Variants in EPHA8 observed in about 807,000 individuals in gnomAD.
The protein encoded by EPHA8 is EPH receptor A8, also known as ephrin type-A receptor 8.
Under a neutral mutation model 103.6 loss-of-function variants are expected in EPHA8, and 58 were observed. The ratio of observed to expected loss-of-function variants is 0.56; its 90% confidence interval spans 0.45 to 0.70. The LOEUF (loss-of-function observed/expected upper bound fraction) is 0.70. Among genes scored for constraint, EPHA8 ranks in the 30% least tolerant of loss-of-function variants. The probability of loss-of-function intolerance (pLI) is 0.00; values close to 1 mark genes in which losing one functional copy is unlikely to be tolerated. For missense variants in EPHA8, 1,304 were observed against 1,395.2 expected (o/e 0.93, Z 1.04); for synonymous variants, 559 against 572.5 (o/e 0.98, Z 0.34).
Position 22,589,989 on chromosome 1 carries a change from A to G in EPHA8, c.1315+783A>G, listed in dbSNP as rs553137162. On this transcript the variant is annotated intron_variant, in intron 5 of 16. Transcript: ENST00000166244. This position sits in a 1 kb window ranked among gnomAD's most constrained non-coding sequence, Gnocchi z 4.3. ...GCACCCAGGGCCACCTGACATAGGAAGTGGCAGAGGCAGGGCTCAAACCCA... is the reference window on the plus strand; with the variant it reads ...GCACCCAGGGCCACCTGACATAGGAGGTGGCAGAGGCAGGGCTCAAACCCA... 6.6e-6 allele frequency among the ~76,000 whole-genome samples: 1 copy of G among 152,276 alleles called. No individual in the cohort carries two copies. The highest frequency in any genetic ancestry group is 2.1e-4 in the South Asian group (1 of 4,822).
rs1557571084 is a variant in EPHA8, at chr1:22,588,266, A to AGCCCCTCAGG, written c.980-605_980-604insGCCCCTCAGG. 4.4e-3 allele frequency among the ~76,000 whole-genome samples: 655 copies of AGCCCCTCAGG among 150,440 alleles called. 7 individuals carry two copies. Among genetic ancestry groups the AGCCCCTCAGG allele is most frequent in the African/African-American group, 0.015 (622 of 40,892 alleles). ...TCAAACCCCCACCCCAGCCCCTCAG[A>AGCCCCTCAGG]CCCCCAGCCCCACGTCCTGGTCTCC... On this transcript the variant is annotated intron_variant, in intron 4 of 16. Transcript: ENST00000166244.
At chr1:22,585,599 C>G (rs931404189) in intron 3 of EPHA8, among the ~76,000 whole-genome samples, 1 of 152,188 alleles carries the variant, frequency 6.6e-6, no homozygotes, top group African/African-American at 2.4e-5. Flanking sequence ...CAGGCCTGGT[C>G]CAGAGTTGTG....
chr1:22,589,226 C>T lies in EPHA8; in HGVS notation c.1315+20C>T. On this transcript the variant is annotated intron_variant, in intron 5 of 16. Transcript: ENST00000166244. This position sits in a 1 kb window ranked among gnomAD's most constrained non-coding sequence, Gnocchi z 4.3. ...AGGCAGGTAGGCGGAGAAACTCCGT[C>T]CCGCAGCGTCCTGGTCCCCCAGCTT... 1 of 1,613,992 alleles carries T rather than the reference C, an allele frequency of 6.2e-7. No homozygotes were observed.
At chr1:22,590,566 G>A (rs1292111926) in intron 5 of EPHA8, among the ~76,000 whole-genome samples, 3 of 151,936 alleles carry the variant, frequency 2.0e-5, no homozygotes, top group African/African-American at 7.3e-5. Flanking sequence ...TCTTGCTCGT[G>A]TGTCCCAGCC....
chr1:22,591,992 T>C (rs562796773), intron 5 of EPHA8, among the ~76,000 whole-genome samples: 1 of 152,072 alleles, frequency 6.6e-6, no homozygotes, highest in African/African-American at 2.4e-5. Flanking sequence ...GGACAGAAGC[T>C]CCTAGAGGGA....
chr1:22,587,614 G>T (rs3767556), intron 4 of EPHA8, among the ~76,000 whole-genome samples: 27,675 of 152,164 alleles, frequency 0.18, 2,593 homozygotes, highest in South Asian at 0.4. Context: ...GCCTGGGGAG[G>T]GACCACAGCC....
chr1:22,568,912 G>GT (rs1640445371), intron 1 of EPHA8, among the ~76,000 whole-genome samples: 1 of 152,242 alleles, frequency 6.6e-6, no homozygotes, highest in South Asian at 2.1e-4. Flanking sequence ...ACTCAGGGAG[G>GT]TGAGGGGGCT....
intron 5 of EPHA8, among the ~76,000 whole-genome samples, chr1:22,591,574 A>G (rs147343682): frequency 3.3e-5 from 5 of 152,274 alleles, no homozygotes; most frequent in South Asian, 2.1e-4. Context: ...GCTGTCCTCA[A>G]AGCCCTTCAC....
rs778542762 is a variant in EPHA8, at chr1:22,598,847, G to A, written c.2188G>A (p.Gly730Arg). 6.8e-6 allele frequency: 11 copies of A among 1,612,302 alleles called. No homozygotes were observed. The East Asian group carries it at 1.1e-4, about 16-fold the overall frequency. Residue 730 changes from glycine to arginine, a missense_variant, in exon 13 of 17, where the codon GGG becomes AGG. Gly to Arg is a moderately radical substitution (Grantham distance 125, BLOSUM62 -2). Transcript: ENST00000166244. The surrounding 1 kb of genome is among the most constrained non-coding windows in gnomAD (Gnocchi z 5.1). ...SLDTFLRTHD[G>R]QFTIMQLVGM... ...CCATGTCCCCCTGCAGACCCACGACGGGCAGTTCACCATCATGCAGCTGGT... is the reference window on the plus strand; with the variant it reads ...CCATGTCCCCCTGCAGACCCACGACAGGCAGTTCACCATCATGCAGCTGGT...
chr1:22,589,079 C>T lies in EPHA8; in HGVS notation c.1188C>T (p.Ser396=), dbSNP rs1641300855. ...VPQQTSLVQA[S]LLVANLLAHM... is the part of the protein sequence containing the mutation. ...AGCAGACAAGCCTGGTGCAGGCCAGCCTGCTGGTGGCCAACCTGCTGGCCC... is the reference window on the plus strand; with the variant it reads ...AGCAGACAAGCCTGGTGCAGGCCAGTCTGCTGGTGGCCAACCTGCTGGCCC... The change falls in exon 5 of 17, where the codon AGC becomes AGT. Residue 396 remains serine, a synonymous_variant. Transcript: ENST00000166244. This position sits in a 1 kb window ranked among gnomAD's most constrained non-coding sequence, Gnocchi z 4.3. 1 of 1,613,350 alleles carries T rather than the reference C, an allele frequency of 6.2e-7. No individual in the cohort carries two copies.
At position 22,576,355 on chromosome 1, in the gene EPHA8, G is replaced by A. The variant is rs769718758; in HGVS notation, c.298G>A (p.Glu100Lys). 2 of 1,613,680 alleles carry A rather than the reference G, an allele frequency of 1.2e-6. No individual in the cohort carries two copies. Among genetic ancestry groups the A allele is most frequent in the African/African-American group, 1.3e-5 (1 of 74,896 alleles). The change falls in exon 3 of 17, where the codon GAG becomes AAG. Residue 100 changes from glutamate to lysine, a missense_variant. Physicochemically the swap from Glu to Lys is moderately conservative, Grantham distance 56. Coordinates refer to ENST00000166244, the MANE Select transcript of EPHA8 (RefSeq NM_020526.5). The surrounding 1 kb of genome is among the most constrained non-coding windows in gnomAD (Gnocchi z 4.8). ...AGACGGCGCCCGGCGCGTCTATGCT[G>A]AGATCAAGTTTACCCTGCGCGACTG... ...PRDGARRVYA[E>K]IKFTLRDCNS...
chr1:22,596,043 T>G, intron 8 of EPHA8, 63 bp from the exon 9 acceptor site: 1 of 1,494,756 alleles, frequency 6.7e-7, no homozygotes, highest in Non-Finnish European at 9.3e-7. Flanking sequence ...CGTTCCCTGG[T>G]TGGGGTCAGG....
rs1364415325 is a variant in EPHA8 at position 22,567,601 on chromosome 1, T to A, written c.95-1688T>A. On this transcript the variant is annotated intron_variant, in intron 1 of 16. Coordinates refer to ENST00000166244, the MANE Select transcript of EPHA8 (RefSeq NM_020526.5). This position sits in a 1 kb window ranked among gnomAD's most constrained non-coding sequence, Gnocchi z 4.2. ...GCCAGCCTCACTCCAGCCGGCCTCC[T>A]TCAGGGTCCCTGACGGTGGGGTGGG... 6.6e-6 allele frequency among the ~76,000 whole-genome samples: 1 copy of A among 151,906 alleles called. No individual in the cohort carries two copies. Among genetic ancestry groups the A allele is most frequent in the Admixed American group, 6.6e-5 (1 of 15,258 alleles).
chr1:22,571,951 C>T (rs1042437089), intron 2 of EPHA8, among the ~76,000 whole-genome samples: 4 of 152,094 alleles, frequency 2.6e-5, no homozygotes, highest in Non-Finnish European at 5.9e-5. Flanking sequence ...GTAGGAGGAT[C>T]GCTTGAGCCT....
rs1178510481 is a variant in EPHA8 at position 22,569,974 on chromosome 1, G to A, written c.159+621G>A. On this transcript the variant is annotated intron_variant, in intron 2 of 16. Coordinates refer to ENST00000166244, the MANE Select transcript of EPHA8 (RefSeq NM_020526.5). The surrounding 1 kb of genome is among the most constrained non-coding windows in gnomAD (Gnocchi z 4.5). ...GCGAGCCTGGTGAGATCCCAGCTCTGCCCTTGACAAGCAGGTGGACTTGGG... is the reference window on the plus strand; with the variant it reads ...GCGAGCCTGGTGAGATCCCAGCTCTACCCTTGACAAGCAGGTGGACTTGGG... 6.6e-6 allele frequency among the ~76,000 whole-genome samples: 1 copy of A among 152,104 alleles called. No homozygotes were observed. The highest frequency in any genetic ancestry group is 1.5e-5 in the Non-Finnish European group (1 of 68,022).
chr1:22,579,097 ATG>A (rs1640945692), intron 3 of EPHA8, among the ~76,000 whole-genome samples: 1 of 123,822 alleles, frequency 8.1e-6, no homozygotes, highest in African/African-American at 4.5e-5. Flanking sequence ...GCATGTGTGC[ATG>A]TGTATGTGTG....
chr1:22,567,299 C>T lies in EPHA8; in HGVS notation c.95-1990C>T, dbSNP rs1640387604. Among the ~76,000 whole-genome samples the T allele has an allele frequency of 6.6e-6, 1 of 152,152 alleles. No homozygotes were observed. Among genetic ancestry groups the T allele is most frequent in the Admixed American group, 6.5e-5 (1 of 15,282 alleles). On this transcript the variant is annotated intron_variant, in intron 1 of 16. Transcript: ENST00000166244. The surrounding 1 kb of genome is among the most constrained non-coding windows in gnomAD (Gnocchi z 4.2). Reference sequence around the variant, plus strand: ...CCTTCCCTCACCATCTCCCCAAACTCGGCTTTGCTGGTCTGGGGGAAACTG... The same window carrying T: ...CCTTCCCTCACCATCTCCCCAAACTTGGCTTTGCTGGTCTGGGGGAAACTG...
chr1:22,603,249 G>T lies in EPHA8; in HGVS notation c.*1508G>T. The T allele has an allele frequency of 6.6e-6, 1 of 152,650 alleles. No individual in the cohort carries two copies. 9.5% of individuals were successfully genotyped at this position (152,650 alleles called of 1,614,324 possible). On this transcript the variant is annotated 3_prime_UTR_variant, in exon 17 of 17. Transcript: ENST00000166244. ...CCCCTCTCCCTCCTGCAATAATTCG[G>T]GGAGTCTCAGCCCCATCCAGGTGCC...
At chr1:22,585,651 GC>G (rs1641182045) in intron 3 of EPHA8, among the ~76,000 whole-genome samples, 1 of 152,228 alleles carries the variant, frequency 6.6e-6, no homozygotes, top group Admixed American at 6.5e-5. Flanking sequence ...CACGCAGGCA[GC>G]TGGGTGGGGG....
Sources: gnomAD v4.1 joint callset for allele counts (sites outside exome capture counted in the v4.1 genomes callset) on GRCh38, gnomAD v4.1.1 for gene constraint, Gnocchi (gnomAD v3.1) non-coding constraint, MANE v1.5 for transcripts, NCBI Gene and HGNC (gene_info 2026-07-23, HGNC 2026-07-21) for gene names.